The following CNDP2 variants were observed in gnomAD, a reference collection of about 807,000 sequenced individuals.
CNDP2 encodes cytosolic non-specific dipeptidase.
In CNDP2, 38 loss-of-function variants were observed where a neutral mutation model predicts 55.0. That is an observed-to-expected ratio of 0.69 (90% CI 0.53 to 0.90). The LOEUF is 0.90. CNDP2 is among the 40% of genes least tolerant of loss of function. The probability of loss-of-function intolerance (pLI) is 0.00; values close to 1 mark genes in which losing one functional copy is unlikely to be tolerated. For missense variants in CNDP2, 607 were observed against 621.7 expected, an observed-to-expected ratio of 0.98 and a Z score of 0.25; for synonymous variants, 241 against 260.2, an observed-to-expected ratio of 0.93 and a Z score of 0.71.
chr18:74,502,449 A>G (rs1210487235), intron 3 of CNDP2, among the ~76,000 whole-genome samples: 3 of 150,416 alleles, frequency 2.0e-5, no homozygotes, highest in Non-Finnish European at 4.4e-5. Flanking sequence ...GTGTATATAT[A>G]TGTGTGTTTT....
In CNDP2 at chr18:74,520,517, A is replaced by T. The variant is rs971941931; in HGVS notation, c.*449A>T. 1.1e-5 allele frequency: 2 copies of T among 181,854 alleles called. No homozygotes were observed. The highest frequency in any genetic ancestry group is 4.8e-5 in the African/African-American group (2 of 41,884). The allele number at this position is 181,854 out of a possible 1,614,324, so 11.3% of individuals were successfully genotyped here. On this transcript the variant is annotated 3_prime_UTR_variant, in exon 12 of 12. Coordinates refer to ENST00000324262, the MANE Select transcript of CNDP2 (RefSeq NM_018235.3). ...AAAAAGTTTAAGAAATGAGCCAGACATGGTGGTGTATGCCTGTAGTCCCAG... is the reference window on the plus strand; with the variant it reads ...AAAAAGTTTAAGAAATGAGCCAGACTTGGTGGTGTATGCCTGTAGTCCCAG...
intron 1 of CNDP2, among the ~76,000 whole-genome samples, chr18:74,498,423 C>T (rs1357243817): frequency 6.6e-6 from 1 of 152,036 alleles, no homozygotes; most frequent in African/African-American, 2.4e-5. Context: ...CTTTTGGGAC[C>T]ACCGCTGTTG....
At chr18:74,502,791 C>T (rs760872137) in intron 3 of CNDP2, among the ~76,000 whole-genome samples, 5 of 152,080 alleles carry the variant, frequency 3.3e-5, no homozygotes, top group Non-Finnish European at 7.4e-5. Flanking sequence ...TGAGTGTGGC[C>T]ATTCAGTTCA....
chr18:74,512,131 C>A, intron 6 of CNDP2: 1 of 253,056 alleles, frequency 4.0e-6, no homozygotes, highest in Non-Finnish European at 7.6e-6. Flanking sequence ...GCTGCCCTCT[C>A]AGCAGAGGTG....
Position 74,518,621 on chromosome 18 carries a change from G to A in CNDP2, c.1191G>A (p.Gly397=). The change falls in exon 10 of 12, where the codon GGG becomes GGA. Residue 397 remains glycine, a synonymous_variant. Coordinates refer to ENST00000324262, the MANE Select transcript of CNDP2 (RefSeq NM_018235.3). ...SDFSHPHYLA[G]RRAMKTVFGV... ...TCAGTCACCCTCATTACCTGGCTGGGAGAAGAGCCATGAAGACAGGTTGGA... is the reference window on the plus strand; with the variant it reads ...TCAGTCACCCTCATTACCTGGCTGGAAGAAGAGCCATGAAGACAGGTTGGA... 1 of 1,614,216 alleles carries A rather than the reference G, an allele frequency of 6.2e-7. No homozygotes were observed. Among genetic ancestry groups the A allele is most frequent in the Non-Finnish European group, 8.5e-7 (1 of 1,180,050 alleles).
At chr18:74,512,236 T>G in intron 6 of CNDP2, 1 of 538,980 alleles carries the variant, frequency 1.9e-6, no homozygotes, top group African/African-American at 1.9e-5. Context: ...CCGTCTTATC[T>G]GTGGTTGGCA....
intron 6 of CNDP2, among the ~76,000 whole-genome samples, chr18:74,511,704 C>T (rs1234717149): frequency 1.5e-5 from 2 of 133,212 alleles, no homozygotes; most frequent in East Asian, 2.3e-4. Flanking sequence ...CGAGACTCCA[C>T]TTCAAAAAAA....
rs1979873768 is a variant in CNDP2 at position 74,518,781 on chromosome 18, G to A, written c.1210+141G>A. ...GTGTAGTTAAGTCAGCATGAGGACAGCTAGTGTGTGGGATGAGCCTGGACC... is the reference window on the plus strand; with the variant it reads ...GTGTAGTTAAGTCAGCATGAGGACAACTAGTGTGTGGGATGAGCCTGGACC... On this transcript the variant is annotated intron_variant, in intron 10 of 11. Transcript: ENST00000324262. The A allele has an allele frequency of 6.3e-6, 9 of 1,423,036 alleles. No homozygotes were observed. In the South Asian group the frequency reaches 6.4e-5, roughly 10 times the overall value. 88.2% of individuals were successfully genotyped at this position (1,423,036 alleles called of 1,614,324 possible).
intron 3 of CNDP2, 47 bp from the exon 4 acceptor site, chr18:74,505,802 T>G: frequency 6.2e-7 from 1 of 1,608,578 alleles, no homozygotes; most frequent in Non-Finnish European, 8.5e-7. Context: ...AAGCACTGAA[T>G]TTCTTAAACA....
intron 3 of CNDP2, among the ~76,000 whole-genome samples, chr18:74,502,343 TACA>T (rs1450478151): frequency 6.6e-6 from 1 of 152,210 alleles, no homozygotes; most frequent in Non-Finnish European, 1.5e-5. Flanking sequence ...CAAGACAACA[TACA>T]ACAACAGGTC....
chr18:74,515,382 G>A lies in CNDP2; in HGVS notation c.904-846G>A, dbSNP rs148808477. Among the ~76,000 whole-genome samples the A allele has an allele frequency of 4.2e-3, 642 of 152,280 alleles. 4 individuals are homozygous for A. The highest frequency in any genetic ancestry group is 6.8e-3 in the Non-Finnish European group (463 of 68,004). ...TGACTGGACAGTGATGTCAGGGACC[G>A]AGGGGTTGGGCACGGGGAGGAGCGG... On this transcript the variant is annotated intron_variant, in intron 8 of 11. Coordinates refer to ENST00000324262, the MANE Select transcript of CNDP2 (RefSeq NM_018235.3).
chr18:74,519,168 CG>C, intron 11 of CNDP2, 72 bp downstream of exon 11: 1 of 1,511,148 alleles, frequency 6.6e-7, no homozygotes. Flanking sequence ...CCCTTCCCCC[CG>C]TGTGCAGCTG....
intron 7 of CNDP2, among the ~76,000 whole-genome samples, chr18:74,513,086 C>A (rs1979448051): frequency 6.6e-6 from 1 of 152,216 alleles, no homozygotes; most frequent in Non-Finnish European, 1.5e-5. Context: ...TCTGTTATAC[C>A]CACAGTTTAC....
At chr18:74,511,076 C>G in intron 6 of CNDP2, 63 bp downstream of exon 6, 2 of 1,414,290 alleles carry the variant, frequency 1.4e-6, no homozygotes, top group South Asian at 1.3e-5. Context: ...TTCTCCCAAA[C>G]GCAAAGTAGA....
intron 2 of CNDP2, 140 bp downstream of exon 2, chr18:74,500,173 C>G: frequency 1.6e-6 from 1 of 633,640 alleles, no homozygotes; most frequent in East Asian, 2.9e-5. Context: ...TCATTAGCTT[C>G]TTATTATGGC....
chr18:74,511,346 G>C (rs887217863), intron 6 of CNDP2: 6 of 281,836 alleles, frequency 2.1e-5, no homozygotes, highest in African/African-American at 1.3e-4. Context: ...ACTTCCTTTT[G>C]AAGGTGGAAA....
intron 7 of CNDP2, among the ~76,000 whole-genome samples, chr18:74,512,894 C>T (rs968156828): frequency 6.6e-6 from 1 of 152,168 alleles, no homozygotes; most frequent in African/African-American, 2.4e-5. Flanking sequence ...TTTGGCCTGT[C>T]TTATGTATAA....
rs955913312 is a variant in CNDP2 at position 74,508,990 on chromosome 18, G to GGCT, written c.456+63_456+65dup. The GGCT allele has an allele frequency of 8.0e-6, 11 of 1,379,508 alleles. No individual in the cohort carries two copies. The African/African-American group carries it at 1.3e-4, about 16-fold the overall frequency. The allele number at this position is 1,379,508 out of a possible 1,614,324, so 85.5% of individuals were successfully genotyped here. A position where few individuals can be genotyped will look rare whatever the true frequency, so the allele number is the denominator to read the frequency against. On this transcript the variant is annotated intron_variant, in intron 5 of 11. Coordinates refer to ENST00000324262, the MANE Select transcript of CNDP2 (RefSeq NM_018235.3). ...GTTCCATCTGAGCCATACAAAGACAGGCTCTCTGTTCACACAACAGCTTAT... is the reference window on the plus strand; with the variant it reads ...GTTCCATCTGAGCCATACAAAGACAGGCTGCTCTCTGTTCACACAACAGCTTAT...
At chr18:74,503,233 A>G (rs189481197) in intron 3 of CNDP2, among the ~76,000 whole-genome samples, 1 of 152,222 alleles carries the variant, frequency 6.6e-6, no homozygotes, top group Middle Eastern at 3.2e-3. Flanking sequence ...CTGTTATACT[A>G]TTTTGAATTA....
Sources: allele counts gnomAD v4.1 joint callset (sites outside exome capture counted in the v4.1 genomes callset), GRCh38; gene constraint gnomAD v4.1.1; transcripts MANE v1.5; gene names NCBI Gene and HGNC (gene_info 2026-07-23, HGNC 2026-07-21).